Variants in CCSER1 observed in about 807,000 individuals in gnomAD.
CCSER1 encodes coiled-coil serine rich protein 1, also known as serine-rich coiled-coil domain-containing protein 1.
CCSER1 carries 41 observed loss-of-function variants against 82.0 expected under a neutral mutation model. The ratio of observed to expected loss-of-function variants is 0.50; its 90% CI spans 0.39 to 0.65. The LOEUF is 0.65. Ranked by LOEUF, CCSER1 falls within the 30% of genes least tolerant of loss-of-function variation. CCSER1 has a pLI of 0.00. For missense variants in CCSER1, 1,119 were observed against 1,064.2 expected (o/e 1.05, Z -0.72); for synonymous variants, 414 against 383.9 (o/e 1.08, Z -0.92).
At chr4:90,819,311 C>T (rs1171989735) in intron 8 of CCSER1, among the ~76,000 whole-genome samples, 3 of 152,102 alleles carry the variant, frequency 2.0e-5, no homozygotes, top group South Asian at 2.1e-4. Flanking sequence ...ATCATCACGC[C>T]GGGAGTCAGG....
At chr4:90,468,202 G>T in intron 4 of CCSER1, 32 bp from the exon 5 acceptor site, 1 of 1,565,430 alleles carries the variant, frequency 6.4e-7, no homozygotes, top group South Asian at 1.3e-5. Flanking sequence ...AAATAATTTT[G>T]ACATTTACAA....
At chr4:90,690,951 T>C (rs1252558153) in intron 6 of CCSER1, among the ~76,000 whole-genome samples, 1 of 152,082 alleles carries the variant, frequency 6.6e-6, no homozygotes, top group Non-Finnish European at 1.5e-5. Context: ...TCATTTCTGC[T>C]GCTTACTCAA....
chr4:90,318,732 G>C (rs1736598270), intron 3 of CCSER1, among the ~76,000 whole-genome samples: 1 of 152,120 alleles, frequency 6.6e-6, no homozygotes, highest in Non-Finnish European at 1.5e-5. Flanking sequence ...TCTGGGGCCT[G>C]CTGTTTTCTC....
intron 3 of CCSER1, among the ~76,000 whole-genome samples, chr4:90,328,476 A>G (rs746574489): frequency 1.3e-5 from 2 of 152,156 alleles, no homozygotes; most frequent in Non-Finnish European, 1.5e-5. Flanking sequence ...CAATTCTGTC[A>G]TTTAAAGTAG....
At chr4:91,593,391 G>T (rs1316531487) in intron 10 of CCSER1, among the ~76,000 whole-genome samples, 1 of 146,784 alleles carries the variant, frequency 6.8e-6, no homozygotes, top group East Asian at 2.0e-4. Flanking sequence ...TATACAGAAA[G>T]CCAAGGAAAA....
intron 10 of CCSER1, among the ~76,000 whole-genome samples, chr4:91,337,461 G>C (rs1425170152): frequency 6.6e-6 from 1 of 152,126 alleles, no homozygotes; most frequent in African/African-American, 2.4e-5. Flanking sequence ...TTTAAGAAGT[G>C]AGTCTGAATG....
At chr4:90,326,048 G>A (rs1283579349) in intron 3 of CCSER1, among the ~76,000 whole-genome samples, 1 of 144,870 alleles carries the variant, frequency 6.9e-6, no homozygotes, top group Non-Finnish European at 1.5e-5. Context: ...ATCTTCCTAT[G>A]TGATACCTTT....
At chr4:90,792,483 T>C (rs1216987237) in intron 7 of CCSER1, among the ~76,000 whole-genome samples, 1 of 152,220 alleles carries the variant, frequency 6.6e-6, no homozygotes, top group Non-Finnish European at 1.5e-5. Flanking sequence ...GTCTGAAATG[T>C]ACAGGGCCCC....
At chr4:90,288,132 A>G (rs1264107675) in intron 1 of CCSER1, among the ~76,000 whole-genome samples, 1 of 151,978 alleles carries the variant, frequency 6.6e-6, no homozygotes, top group African/African-American at 2.4e-5. Context: ...GATTATTGCA[A>G]TAGAATCCTA....
chr4:90,403,486 G>T (rs1227932632), intron 4 of CCSER1, among the ~76,000 whole-genome samples: 1 of 121,768 alleles, frequency 8.2e-6, no homozygotes, highest in Non-Finnish European at 1.6e-5. Flanking sequence ...GCGACAGAGC[G>T]AGACTCCGTC....
At chr4:90,325,274 G>A (rs1395664699) in intron 3 of CCSER1, among the ~76,000 whole-genome samples, 1 of 152,100 alleles carries the variant, frequency 6.6e-6, no homozygotes, top group Non-Finnish European at 1.5e-5. Flanking sequence ...TATGAAATAT[G>A]TATGTTAGAA....
rs536722404 is a variant in CCSER1 at position 91,401,404 on chromosome 4, CT to C, written c.2218-197161del. 8.0e-3 allele frequency among the ~76,000 whole-genome samples: 1,183 copies of C among 148,040 alleles called. 17 individuals are homozygous for C. Among genetic ancestry groups the C allele is most frequent in the African/African-American group, 0.027 (1,097 of 40,700 alleles). ...AACATATCAATATAATATATATATACTTTTTTTATTATACTTTAAGTTCTAG... is the reference window on the plus strand; with the variant it reads ...AACATATCAATATAATATATATATACTTTTTTATTATACTTTAAGTTCTAG... On this transcript the variant is annotated intron_variant, in intron 10 of 10. Transcript: ENST00000509176.
At chr4:90,632,479 A>G (rs746837173) in intron 6 of CCSER1, among the ~76,000 whole-genome samples, 1 of 151,892 alleles carries the variant, frequency 6.6e-6, no homozygotes, top group Non-Finnish European at 1.5e-5. Context: ...ATAATATATA[A>G]TATATACTTT....
chr4:91,436,968 T>C (rs1290418477), intron 10 of CCSER1, among the ~76,000 whole-genome samples: 1 of 152,208 alleles, frequency 6.6e-6, no homozygotes, highest in Non-Finnish European at 1.5e-5. Flanking sequence ...GTTACCTGTC[T>C]TCCTGGCAAT....
Position 91,594,035 on chromosome 4 carries a change from T to C in CCSER1, c.2218-4537T>C, listed in dbSNP as rs374354617. On this transcript the variant is annotated intron_variant, in intron 10 of 10. Coordinates refer to ENST00000509176, the MANE Select transcript of CCSER1 (RefSeq NM_001145065.2). ...ATTAATCACTAGATTTTCCATCCTT[T>C]CATCCTCATTAGGAATTCTATGGAT... Among the ~76,000 whole-genome samples the C allele has an allele frequency of 3.5e-4, 53 of 152,240 alleles. 2 individuals carry two copies. In the South Asian group the frequency reaches 0.011, roughly 30 times the overall value.
At chr4:91,257,346 T>A (rs561421908) in intron 10 of CCSER1, among the ~76,000 whole-genome samples, 1 of 152,120 alleles carries the variant, frequency 6.6e-6, no homozygotes, top group Non-Finnish European at 1.5e-5. Context: ...GTTCAGACAG[T>A]AATTAATCCT....
intron 5 of CCSER1, among the ~76,000 whole-genome samples, chr4:90,471,734 G>C (rs1037669358): frequency 2.0e-5 from 3 of 151,548 alleles, no homozygotes; most frequent in African/African-American, 7.3e-5. Context: ...CCGCACTTTG[G>C]GAGGCCGAGG....
chr4:90,532,672 C>T (rs1774690337), intron 5 of CCSER1, among the ~76,000 whole-genome samples: 1 of 152,122 alleles, frequency 6.6e-6, no homozygotes, highest in Non-Finnish European at 1.5e-5. Flanking sequence ...TTCTGCTTCT[C>T]AGTTTCTTTA....
chr4:91,493,491 C>G (rs574681744), intron 10 of CCSER1, among the ~76,000 whole-genome samples: 1 of 151,702 alleles, frequency 6.6e-6, no homozygotes, highest in East Asian at 1.9e-4. Flanking sequence ...ATATTTATTA[C>G]AATGAAACCA....
Sources: gnomAD v4.1 joint callset for allele counts (sites outside exome capture counted in the v4.1 genomes callset) on GRCh38, gnomAD v4.1.1 for gene constraint, MANE v1.5 for transcripts, NCBI Gene and HGNC (gene_info 2026-07-23, HGNC 2026-07-21) for gene names.